ABCC5: variants seen among roughly 807,000 people sequenced by gnomAD.
The protein encoded by ABCC5 is ATP-binding cassette sub-family C member 5.
In ABCC5, 61 loss-of-function variants were observed where a neutral mutation model predicts 160.9. The ratio of observed to expected loss-of-function variants is 0.38; its 90% CI spans 0.31 to 0.47. The LOEUF (loss-of-function observed/expected upper bound fraction) is 0.47, where lower values mean the gene tolerates loss of function less well. Among genes scored for constraint, ABCC5 ranks in the 20% least tolerant of loss-of-function variants. The pLI, the probability that ABCC5 is intolerant of heterozygous loss-of-function variation, is 0.99. For synonymous variants in ABCC5, 666 were observed against 700.6 expected (o/e 0.95, Z 0.78); for missense variants, 1,308 against 1,813.3 (o/e 0.72, Z 5.06).
chr3:183,993,877 C>T (rs369159574), intron 2 of ABCC5, among the ~76,000 whole-genome samples: 1 of 151,728 alleles, frequency 6.6e-6, no homozygotes, highest in East Asian at 1.9e-4. Context: ...CATACATCAT[C>T]GAGGTCTAAA....
chr3:183,953,068 A>G lies in ABCC5; in HGVS notation c.2667+18T>C, dbSNP rs950475527. ...ACATTCTTAGACACAGAACTTTCCC[A>G]TTTATGAGTAACCTTACCCCGCTTC... On this transcript the variant is annotated intron_variant, in intron 18 of 29. Coordinates refer to ENST00000334444, the MANE Select transcript of ABCC5 (RefSeq NM_005688.4). The G allele has an allele frequency of 6.2e-7, 1 of 1,606,548 alleles. No homozygotes were observed. Among genetic ancestry groups the G allele is most frequent in the African/African-American group, 1.3e-5 (1 of 74,720 alleles).
At chr3:183,923,485 T>C (rs1712208835) in intron 29 of ABCC5, among the ~76,000 whole-genome samples, 1 of 152,090 alleles carries the variant, frequency 6.6e-6, no homozygotes. Context: ...TAGCCAGGCA[T>C]GGTGGCACAT....
In ABCC5 at chr3:183,951,491, G is replaced by T. The variant is rs564676660; in HGVS notation, c.2894C>A (p.Thr965Lys). 3.1e-6 allele frequency: 5 copies of T among 1,614,148 alleles called. No individual in the cohort carries two copies. Among genetic ancestry groups the T allele is most frequent in the South Asian group, 1.1e-5 (1 of 91,068 alleles). Residue 965 changes from threonine (T) to lysine (K), a missense_variant, in exon 20 of 30, where the codon ACG becomes AAG. Physicochemically the swap from Thr to Lys is moderately conservative, Grantham distance 78 (BLOSUM62 -1). Coordinates refer to ENST00000334444, the MANE Select transcript of ABCC5 (RefSeq NM_005688.4). This position sits in a 1 kb window ranked among gnomAD's most constrained non-coding sequence, Gnocchi z 4.7. ...GTTGAGAATCCTCCCTGTGGGGGTC[G>T]TGTCAAAAAACTTCATAGGGCTTCG... ...ILRSPMKFFD[T>K]TPTGRILNRF...
At chr3:183,985,722 T>C (rs1480678114) in intron 5 of ABCC5, 2 of 354,362 alleles carry the variant, frequency 5.6e-6, no homozygotes, top group Middle Eastern at 9.6e-4. Flanking sequence ...AGGACCACAC[T>C]GTTAGAGATT....
intron 17 of ABCC5, among the ~76,000 whole-genome samples, chr3:183,955,546 G>A (rs1167507751): frequency 1.3e-5 from 2 of 152,242 alleles, no homozygotes; most frequent in Non-Finnish European, 2.9e-5. Flanking sequence ...ATTTGCAAGA[G>A]AAACAGCTAT....
At position 183,987,456 on chromosome 3, in the gene ABCC5, A is replaced by G. The variant is rs1719323169; in HGVS notation, c.591+314T>C. 3.4e-6 allele frequency: 2 copies of G among 593,178 alleles called. No homozygotes were observed. The highest frequency in any genetic ancestry group is 6.0e-6 in the Non-Finnish European group (2 of 332,794). 36.7% of individuals were successfully genotyped at this position (593,178 alleles called of 1,614,324 possible). A position where few individuals can be genotyped will look rare whatever the true frequency, so the allele number is the denominator to read the frequency against. On this transcript the variant is annotated intron_variant, in intron 5 of 29. Coordinates refer to ENST00000334444, the MANE Select transcript of ABCC5 (RefSeq NM_005688.4). This position sits in a 1 kb window ranked among gnomAD's most constrained non-coding sequence, Gnocchi z 4.2. ...TCTCACCCACTCATAGCACTGCAAG[A>G]CACATCTGCCTGCACCGACTGTCAG...
At chr3:183,979,455 C>T (rs771453266) in intron 8 of ABCC5, among the ~76,000 whole-genome samples, 5 of 152,014 alleles carry the variant, frequency 3.3e-5, no homozygotes, top group East Asian at 3.9e-4. Flanking sequence ...TAATGACAAC[C>T]GGAAGAAGAT....
intron 27 of ABCC5, 24 bp from the exon 28 acceptor site, chr3:183,927,467 C>A (rs1333307211): frequency 6.3e-7 from 1 of 1,598,236 alleles, no homozygotes; most frequent in South Asian, 1.1e-5. Flanking sequence ...AACTAGAGAT[C>A]AGAGGGGTAA....
chr3:184,013,020 G>A (rs752990184), intron 2 of ABCC5, among the ~76,000 whole-genome samples: 1 of 152,092 alleles, frequency 6.6e-6, no homozygotes, highest in Non-Finnish European at 1.5e-5. Context: ...CCTAAACCTA[G>A]TCCATTCTGC....
chr3:183,978,429 A>C (rs1718412640), intron 9 of ABCC5, 74 bp downstream of exon 9: 4 of 1,555,142 alleles, frequency 2.6e-6, no homozygotes. Context: ...CCTGGGTTCA[A>C]GTGATTTTCC....
chr3:183,965,280 G>T, intron 13 of ABCC5, 23 bp from the exon 14 acceptor site: 2 of 1,614,176 alleles, frequency 1.2e-6, no homozygotes, highest in Non-Finnish European at 1.7e-6. Flanking sequence ...AAGAGACAGC[G>T]TCAGGGACAC....
intron 2 of ABCC5, among the ~76,000 whole-genome samples, chr3:183,991,307 A>G (rs80310162): frequency 1.9e-5 from 1 of 52,564 alleles, no homozygotes; most frequent in Admixed American, 1.5e-4. Context: ...TAAAAGAAGG[A>G]AAAAAAAAAC....
chr3:183,979,331 C>G (rs2108848864), intron 8 of ABCC5, among the ~76,000 whole-genome samples: 1 of 148,122 alleles, frequency 6.8e-6, no homozygotes, highest in Middle Eastern at 3.4e-3. Context: ...GGTGACAAAG[C>G]CAGGCCTTAT....
chr3:183,984,880 G>A (rs1719064259), intron 5 of ABCC5: 4 of 1,578,434 alleles, frequency 2.5e-6, no homozygotes, highest in Middle Eastern at 1.7e-4. Context: ...TGATGGAGCA[G>A]TCTCCAAAGG....
intron 20 of ABCC5, 106 bp from the exon 21 acceptor site, chr3:183,950,231 G>T (rs1433083898): frequency 4.5e-6 from 6 of 1,329,064 alleles, no homozygotes; most frequent in Middle Eastern, 2.3e-4. Flanking sequence ...TGAAGTTTGT[G>T]ATGTTGTCTT....
intron 2 of ABCC5, 98 bp from the exon 3 acceptor site, chr3:183,989,481 A>C: frequency 2.0e-5 from 26 of 1,280,156 alleles, no homozygotes; most frequent in Non-Finnish European, 2.8e-5. Flanking sequence ...AACTGGACTC[A>C]TCTTAACTGA....
intron 11 of ABCC5, among the ~76,000 whole-genome samples, chr3:183,968,780 G>C (rs1717465855): frequency 6.6e-6 from 1 of 152,204 alleles, no homozygotes; most frequent in African/African-American, 2.4e-5. Flanking sequence ...ACGGAGCATG[G>C]ATTCTGGAGG....
chr3:184,005,835 ATTT>A (rs1721149664), intron 2 of ABCC5, among the ~76,000 whole-genome samples: 1 of 151,754 alleles, frequency 6.6e-6, no homozygotes, highest in Non-Finnish European at 1.5e-5. Context: ...TGGAAACAAT[ATTT>A]CATTGAAAAA....
At chr3:183,974,468 C>T (rs1718041979) in intron 10 of ABCC5, among the ~76,000 whole-genome samples, 1 of 152,034 alleles carries the variant, frequency 6.6e-6, no homozygotes, top group African/African-American at 2.4e-5. Flanking sequence ...ACCACCACAC[C>T]CAGCTAATTT....
Sources: allele counts gnomAD v4.1 joint callset (sites outside exome capture counted in the v4.1 genomes callset), GRCh38; gene constraint gnomAD v4.1.1; non-coding constraint Gnocchi (gnomAD v3.1); transcripts MANE v1.5; gene names NCBI Gene and HGNC (gene_info 2026-07-23, HGNC 2026-07-21).